The following NRXN3 variants were observed in gnomAD, a reference collection of about 807,000 sequenced individuals.
NRXN3 encodes the protein neurexin III.
NRXN3 carries 32 observed loss-of-function variants against 137.6 expected under a neutral mutation model. That is an observed-to-expected ratio of 0.23 (90% confidence interval 0.18 to 0.31). The LOEUF is 0.31. Among genes scored for constraint, NRXN3 ranks in the 10% least tolerant of loss-of-function variants. The pLI is 1.00. For missense variants in NRXN3, 1,574 were observed against 2,062.5 expected, an observed-to-expected ratio of 0.76 and a Z score of 4.59; for synonymous variants, 798 against 784.5, an observed-to-expected ratio of 1.02 and a Z score of -0.29.
intron 15 of NRXN3, among the ~76,000 whole-genome samples, chr14:79,411,705 G>A (rs571194116): frequency 6.6e-6 from 1 of 152,258 alleles, no homozygotes; most frequent in Admixed American, 6.5e-5. Context: ...TGTAAGTCTA[G>A]TGCTTTTCTC....
chr14:78,343,129 A>G (rs2082322923), intron 4 of NRXN3, among the ~76,000 whole-genome samples: 1 of 152,184 alleles, frequency 6.6e-6, no homozygotes, highest in South Asian at 2.1e-4. Context: ...GTTGCATGGT[A>G]AAGCTTGAGA....
intron 10 of NRXN3, among the ~76,000 whole-genome samples, chr14:78,866,958 C>T (rs1258366592): frequency 1.3e-5 from 2 of 151,660 alleles, no homozygotes; most frequent in East Asian, 1.9e-4. Flanking sequence ...CCACCATGCC[C>T]GGCTAATTTT....
rs747068380 is a variant in NRXN3, at chr14:78,243,426, C to T, written c.333C>T (p.Phe111=). 3.2e-6 allele frequency: 5 copies of T among 1,568,568 alleles called. No individual in the cohort carries two copies. Among genetic ancestry groups the T allele is most frequent in the Non-Finnish European group, 4.3e-6 (5 of 1,164,724 alleles). The change falls in exon 2 of 21, where the codon TTC becomes TTT. Residue 111 remains phenylalanine (F), a synonymous_variant. Coordinates refer to ENST00000335750, the MANE Select transcript of NRXN3 (RefSeq NM_001330195.2). This position sits in a 1 kb window ranked among gnomAD's most constrained non-coding sequence, Gnocchi z 4.2. ...AGGTGAATGACAGCAGCTGGCACTT[C>T]CTCATGGTGAGCCGTGACCGCCTGC... The part of the protein sequence containing the change: ...NKQVNDSSWH[F]LMVSRDRLRT...
intron 6 of NRXN3, chr14:78,698,392 T>G (rs1293502857): frequency 6.6e-6 from 1 of 152,084 alleles, no homozygotes; most frequent in African/African-American, 2.4e-5. Flanking sequence ...ATGCCTATTG[T>G]CATCTATTTT....
intron 10 of NRXN3, among the ~76,000 whole-genome samples, chr14:78,823,653 C>A (rs529915406): frequency 6.6e-6 from 1 of 152,238 alleles, no homozygotes; most frequent in South Asian, 2.1e-4. Context: ...GGAAGCATAG[C>A]CTCTGGCAAA....
chr14:79,065,561 C>T (rs2099679752), intron 15 of NRXN3, among the ~76,000 whole-genome samples: 1 of 152,044 alleles, frequency 6.6e-6, no homozygotes, highest in Non-Finnish European at 1.5e-5. Context: ...GTGCCACAAA[C>T]CAGGTGGCTT....
chr14:78,415,811 A>G (rs2093103871), intron 4 of NRXN3, among the ~76,000 whole-genome samples: 1 of 152,054 alleles, frequency 6.6e-6, no homozygotes, highest in African/African-American at 2.4e-5. Flanking sequence ...AAGAGATGAG[A>G]TCTCTGCATG....
intron 15 of NRXN3, chr14:79,199,996 T>C (rs2065736987): frequency 6.6e-6 from 1 of 152,108 alleles, no homozygotes; most frequent in African/African-American, 2.4e-5. Context: ...GAACAAGAAT[T>C]GAGAGGTCAT....
chr14:79,821,026 G>A (rs1275836690), intron 20 of NRXN3, among the ~76,000 whole-genome samples: 1 of 152,090 alleles, frequency 6.6e-6, no homozygotes, highest in African/African-American at 2.4e-5. Flanking sequence ...AAGAGATGAT[G>A]CAAGGAGGCA....
intron 15 of NRXN3, among the ~76,000 whole-genome samples, chr14:79,315,872 A>G (rs772597309): frequency 4.8e-4 from 73 of 152,354 alleles, no homozygotes; most frequent in Non-Finnish European, 1.0e-4. Flanking sequence ...TTATTTCTTA[A>G]TATGGACAAT....
intron 2 of NRXN3, among the ~76,000 whole-genome samples, chr14:78,266,934 A>G (rs184808849): frequency 1.6e-3 from 250 of 152,300 alleles, no homozygotes; most frequent in African/African-American, 5.7e-3. Flanking sequence ...TCCCCAGGTC[A>G]CTAGAAACTC....
chr14:79,173,561 A>G (rs555636798), intron 15 of NRXN3, among the ~76,000 whole-genome samples: 1 of 151,690 alleles, frequency 6.6e-6, no homozygotes, highest in Non-Finnish European at 1.5e-5. Flanking sequence ...AAATTACAAT[A>G]AAAGATATCA....
At chr14:78,519,565 A>G (rs547310706) in intron 4 of NRXN3, among the ~76,000 whole-genome samples, 7 of 152,306 alleles carry the variant, frequency 4.6e-5, no homozygotes, top group African/African-American at 1.2e-4. Flanking sequence ...AAGCAAAAGA[A>G]AAAACCACCA....
intron 15 of NRXN3, among the ~76,000 whole-genome samples, chr14:79,217,570 T>G (rs942775035): frequency 3.6e-4 from 55 of 152,008 alleles, no homozygotes; most frequent in Non-Finnish European, 2.9e-4. Context: ...AGTGAGAAAA[T>G]AAGTTTGTGA....
At chr14:79,664,312 C>T (rs931605765) in intron 17 of NRXN3, among the ~76,000 whole-genome samples, 7 of 152,074 alleles carry the variant, frequency 4.6e-5, no homozygotes, top group African/African-American at 1.7e-4. Context: ...CCATTTGAGA[C>T]CCAGACTTTG....
chr14:79,806,577 C>T (rs912743339), intron 20 of NRXN3, among the ~76,000 whole-genome samples: 3 of 151,962 alleles, frequency 2.0e-5, no homozygotes, highest in African/African-American at 7.3e-5. Context: ...AGGTTTTAAC[C>T]CTAAAAGGGC....
chr14:78,782,857 A>G (rs74064970), intron 8 of NRXN3, among the ~76,000 whole-genome samples: 2,096 of 152,330 alleles, frequency 0.014, 50 homozygotes, highest in African/African-American at 0.047. Context: ...GTACTAGTAG[A>G]GATACATATG....
intron 19 of NRXN3, among the ~76,000 whole-genome samples, chr14:79,770,428 C>G (rs2099073439): frequency 7.4e-6 from 1 of 134,380 alleles, no homozygotes; most frequent in Non-Finnish European, 1.6e-5. Flanking sequence ...AACTATCTCT[C>G]AGACCACAGT....
At chr14:79,400,311 G>T (rs1045954770) in intron 15 of NRXN3, among the ~76,000 whole-genome samples, 1 of 152,138 alleles carries the variant, frequency 6.6e-6, no homozygotes, top group Non-Finnish European at 1.5e-5. Context: ...GTAGGCATAG[G>T]TCCGACCATT....
Sources: gnomAD v4.1 joint callset for allele counts (sites outside exome capture counted in the v4.1 genomes callset) on GRCh38, gnomAD v4.1.1 for gene constraint, Gnocchi (gnomAD v3.1) non-coding constraint, MANE v1.5 for transcripts, NCBI Gene and HGNC (gene_info 2026-07-23, HGNC 2026-07-21) for gene names.